Variants in TLN1 observed in about 807,000 individuals in gnomAD.
TLN1 encodes talin-1.
A neutral mutation model predicts 292.3 loss-of-function variants in TLN1; 56 were observed. That is an observed-to-expected ratio of 0.19 (90% confidence interval 0.15 to 0.24). The LOEUF is 0.24. TLN1 is among the 10% of genes least tolerant of loss of function. The pLI is 1.00. For missense variants in TLN1, 2,433 were observed against 3,248.2 expected (o/e 0.75, Z 6.10); for synonymous variants, 1,119 against 1,253.7 (o/e 0.89, Z 2.27).
intron 48 of TLN1, among the ~76,000 whole-genome samples, chr9:35,700,614 T>G (rs1247314931): frequency 6.6e-6 from 1 of 152,084 alleles, no homozygotes; most frequent in Non-Finnish European, 1.5e-5. Flanking sequence ...GAGAGAAGCC[T>G]TGAAGGGGTG....
rs149626524 is a variant in TLN1, at chr9:35,706,522, G to T, written c.5118C>A (p.Val1706=). The change falls in exon 39 of 57, where the codon GTC becomes GTA. Residue 1706 remains valine, a synonymous_variant. Coordinates refer to ENST00000314888, the MANE Select transcript of TLN1 (RefSeq NM_006289.4). The surrounding 1 kb of genome is among the most constrained non-coding windows in gnomAD (Gnocchi z 4.2). ...GCTCAATGAGATGGGAGATCTCTTG[G>T]ACTGCAGTGAGCATCTGAGTGTGCA... ...EALHTQMLTA[V]QEISHLIEPL... is the part of the protein sequence containing the mutation. 2.4e-3 allele frequency: 3,821 copies of T among 1,614,086 alleles called. 9 individuals carry two copies. Among genetic ancestry groups the T allele is most frequent in the Non-Finnish European group, 2.8e-3 (3,322 of 1,180,006 alleles).
chr9:35,704,555 T>G lies in TLN1; in HGVS notation c.5881-57A>C. The G allele has an allele frequency of 6.3e-7, 1 of 1,581,342 alleles. No homozygotes were observed. On this transcript the variant is annotated intron_variant, in intron 44 of 56. Coordinates refer to ENST00000314888, the MANE Select transcript of TLN1 (RefSeq NM_006289.4). The surrounding 1 kb of genome is among the most constrained non-coding windows in gnomAD (Gnocchi z 6.9). ...AAGGTGCCATGTGAAATGGAAAGGT[T>G]GCCCATGCCTGGGAGAAGTGACAAC... is the stretch of plus-strand genomic sequence containing the variant.
chr9:35,716,820 T>TGA (rs1292083338), intron 19 of TLN1, among the ~76,000 whole-genome samples: 2 of 152,158 alleles, frequency 1.3e-5, no homozygotes, highest in African/African-American at 4.8e-5. Flanking sequence ...CTTGAGAAGA[T>TGA]GAGACACTCT....
Position 35,719,831 on chromosome 9 carries a change from G to T in TLN1, c.1487C>A (p.Thr496Asn). The T allele has an allele frequency of 6.3e-7, 1 of 1,591,436 alleles. No individual in the cohort carries two copies. The highest frequency in any genetic ancestry group is 8.6e-7 in the Non-Finnish European group (1 of 1,168,582). Residue 496 changes from threonine (T) to asparagine (N), a missense_variant, in exon 14 of 57, where the codon ACT becomes AAT. Transcript: ENST00000314888. This position sits in a 1 kb window ranked among gnomAD's most constrained non-coding sequence, Gnocchi z 4.6. ...PPLTSAQQAL[T>N]GTINSSMQAV... is the part of the protein sequence containing the mutation. ...CTGCATGCTGGAGTTAATGGTTCCA[G>T]TGAGTGCCTGCTGGGCTGAAGTCTA...
At chr9:35,709,200 T>C (rs1366545944) in intron 33 of TLN1, among the ~76,000 whole-genome samples, 6 of 151,412 alleles carry the variant, frequency 4.0e-5, no homozygotes, top group Non-Finnish European at 3.0e-5. Flanking sequence ...GAGGCTGAGG[T>C]AGGAGAATCA....
chr9:35,725,548 G>C lies in TLN1; in HGVS notation c.130+17C>G, dbSNP rs189416528. ...ACTGAAGACTCCCACTCCAGCCACC[G>C]GGGGAGTCAGACTCACGAGGACCAG... On this transcript the variant is annotated intron_variant, in intron 2 of 56. Coordinates refer to ENST00000314888, the MANE Select transcript of TLN1 (RefSeq NM_006289.4). 1 of 1,608,742 alleles carries C rather than the reference G, an allele frequency of 6.2e-7. No individual in the cohort carries two copies. Among genetic ancestry groups the C allele is most frequent in the African/African-American group, 1.3e-5 (1 of 74,906 alleles).
intron 25 of TLN1, 94 bp from the exon 26 acceptor site, chr9:35,713,392 A>G: frequency 9.7e-7 from 1 of 1,035,748 alleles, no homozygotes; most frequent in Non-Finnish European, 1.4e-6. Flanking sequence ...CAATTTAAAT[A>G]AATGTTTTGG....
intron 32 of TLN1, 21 bp downstream of exon 32, chr9:35,710,776 C>G: frequency 6.2e-7 from 1 of 1,614,068 alleles, no homozygotes. Context: ...CTCTCTCCTC[C>G]GAGTTCCTGG....
intron 17 of TLN1, 73 bp downstream of exon 17, chr9:35,718,739 C>G: frequency 2.2e-6 from 3 of 1,355,658 alleles, no homozygotes; most frequent in Non-Finnish European, 3.1e-6. Context: ...GAAGCCAGGA[C>G]TAGGAACTGG....
At position 35,715,160 on chromosome 9, in the gene TLN1, C is replaced by A; in HGVS notation, c.2653G>T (p.Glu885Ter). ...GCCTCCCGCAGCCGCTGCTGCTGCT[C>A]CTCACTGTCAGGGTGGGCAGCTGCT... ...KGAAAHPDSE[E>*]QQQRLREAAE... The change falls in exon 21 of 57, where the codon GAG (glutamate) becomes TAG (stop). Residue 885 changes from glutamate to a stop codon, truncating the protein, a stop_gained. Coordinates refer to ENST00000314888, the MANE Select transcript of TLN1 (RefSeq NM_006289.4). LOFTEE classifies it high-confidence loss of function. The A allele has an allele frequency of 6.2e-7, 1 of 1,612,320 alleles. No homozygotes were observed. Among genetic ancestry groups the A allele is most frequent in the South Asian group, 1.1e-5 (1 of 91,040 alleles).
chr9:35,731,544 A>G (rs1826079417), intron 1 of TLN1, among the ~76,000 whole-genome samples: 1 of 130,238 alleles, frequency 7.7e-6, no homozygotes, highest in Non-Finnish European at 1.7e-5. Context: ...TCCCTCAAAC[A>G]AGCTCTAACC....
In TLN1 at chr9:35,698,712, C is replaced by T. The variant is rs765978871; in HGVS notation, c.7126-33G>A. On this transcript the variant is annotated intron_variant, in intron 53 of 56. Coordinates refer to ENST00000314888, the MANE Select transcript of TLN1 (RefSeq NM_006289.4). This position sits in a 1 kb window ranked among gnomAD's most constrained non-coding sequence, Gnocchi z 5.3. Reference sequence around the variant, plus strand: ...AAGGAGAAGAGCCTACTTAGACCTGCATTTTCCTCACTTCAAAGACTCGCT... The same window carrying T: ...AAGGAGAAGAGCCTACTTAGACCTGTATTTTCCTCACTTCAAAGACTCGCT... 6.2e-6 allele frequency: 10 copies of T among 1,614,030 alleles called. No homozygotes were observed. In the East Asian group the frequency reaches 2.0e-4, roughly 32 times the overall value.
Position 35,724,368 on chromosome 9 carries a change from C to T in TLN1, c.512-34G>A, listed in dbSNP as rs1222208864. On this transcript the variant is annotated intron_variant, in intron 5 of 56. Transcript: ENST00000314888. The surrounding 1 kb of genome is among the most constrained non-coding windows in gnomAD (Gnocchi z 4.7). Reference sequence around the variant, plus strand: ...CAGACAGTCCCCTCAGTGCCAAACCCCCATGGCCCCTGTGCTGTCTGGTCT... The same window carrying T: ...CAGACAGTCCCCTCAGTGCCAAACCTCCATGGCCCCTGTGCTGTCTGGTCT... The T allele has an allele frequency of 1.5e-5, 24 of 1,613,110 alleles. No homozygotes were observed. Among genetic ancestry groups the T allele is most frequent in the Non-Finnish European group, 2.0e-5 (24 of 1,179,200 alleles).
chr9:35,698,218 C>G lies in TLN1; in HGVS notation c.7372-46G>C, dbSNP rs756990003. 6.2e-7 allele frequency: 1 copy of G among 1,611,192 alleles called. No homozygotes were observed. Among genetic ancestry groups the G allele is most frequent in the Non-Finnish European group, 8.5e-7 (1 of 1,177,988 alleles). On this transcript the variant is annotated intron_variant, in intron 55 of 56. Coordinates refer to ENST00000314888, the MANE Select transcript of TLN1 (RefSeq NM_006289.4). The surrounding 1 kb of genome is among the most constrained non-coding windows in gnomAD (Gnocchi z 5.3). ...CTAGGTTGAGAACTCAGGTACGGTC[C>G]CAGTTGAGACAGTACCTCAATTCTC...
chr9:35,712,693 T>G, intron 27 of TLN1, 142 bp downstream of exon 27: 2 of 426,650 alleles, frequency 4.7e-6, no homozygotes, highest in South Asian at 4.8e-5. Context: ...AAGGGTGGAA[T>G]CCACAGAGGG....
Position 35,724,470 on chromosome 9 carries a change from A to C in TLN1, c.511+102T>G. On this transcript the variant is annotated intron_variant, in intron 5 of 56. Coordinates refer to ENST00000314888, the MANE Select transcript of TLN1 (RefSeq NM_006289.4). The surrounding 1 kb of genome is among the most constrained non-coding windows in gnomAD (Gnocchi z 4.7). The stretch of plus-strand genomic sequence containing the variant: ...AGTGTAGGACTTTGTTTTCTCACTG[A>C]TGTATCCCCAGGGTGTAAAACAGTG... 2 of 1,560,648 alleles carry C rather than the reference A, an allele frequency of 1.3e-6. No individual in the cohort carries two copies. Among genetic ancestry groups the C allele is most frequent in the Non-Finnish European group, 1.7e-6 (2 of 1,147,132 alleles).
chr9:35,701,084 C>T (rs1249197547), intron 48 of TLN1, among the ~76,000 whole-genome samples: 1 of 152,162 alleles, frequency 6.6e-6, no homozygotes, highest in Non-Finnish European at 1.5e-5. Flanking sequence ...GACATTGAGG[C>T]TGAAGCCTGA....
rs760076950 is a variant in TLN1 at position 35,704,686 on chromosome 9, G to A, written c.5863C>T (p.Arg1955Trp). 1.1e-5 allele frequency: 18 copies of A among 1,614,056 alleles called. No homozygotes were observed. The highest frequency in any genetic ancestry group is 2.7e-5 in the African/African-American group (2 of 75,022). ...YTKKELIECA[R>W]RVSEKVSHVL... is the part of the protein sequence containing the mutation. ...ACCGTCACCTTCTCAGAGACTCTCC[G>A]GGCACACTCTATGAGCTCCTTCTTG... is the stretch of plus-strand genomic sequence containing the variant. The change falls in exon 44 of 57, where the codon CGG becomes TGG. Residue 1955 changes from arginine (R) to tryptophan (W), a missense_variant. Transcript: ENST00000314888. The surrounding 1 kb of genome is among the most constrained non-coding windows in gnomAD (Gnocchi z 6.9).
Position 35,717,534 on chromosome 9 carries a change from A to G in TLN1, c.2163+85T>C. On this transcript the variant is annotated intron_variant, in intron 18 of 56. Coordinates refer to ENST00000314888, the MANE Select transcript of TLN1 (RefSeq NM_006289.4). This position sits in a 1 kb window ranked among gnomAD's most constrained non-coding sequence, Gnocchi z 4.7. ...AACTGGGATGGGTGAGGAGGCCTCC[A>G]GAGCCAAAGAAATAAAATGAAAGGC... The G allele has an allele frequency of 6.3e-7, 1 of 1,576,406 alleles. No homozygotes were observed. The highest frequency in any genetic ancestry group is 1.3e-5 in the African/African-American group (1 of 74,322).
Sources: allele counts gnomAD v4.1 joint callset (sites outside exome capture counted in the v4.1 genomes callset), GRCh38; gene constraint gnomAD v4.1.1; non-coding constraint Gnocchi (gnomAD v3.1); transcripts MANE v1.5; gene names NCBI Gene and HGNC (gene_info 2026-07-23, HGNC 2026-07-21).